The following NDUFAF7 variants were observed in gnomAD, a reference collection of about 807,000 sequenced individuals.
NDUFAF7 encodes the protein NADH:ubiquinone oxidoreductase complex assembly factor 7.
NDUFAF7 carries 48 observed loss-of-function variants against 47.2 expected under a neutral mutation model. That is an observed-to-expected ratio of 1.02 (90% CI 0.81 to 1.29). The LOEUF is 1.29. Among genes scored for constraint, NDUFAF7 ranks in the 50% most tolerant of loss-of-function variants. The pLI, the probability that NDUFAF7 is intolerant of heterozygous loss-of-function variation, is 0.00. For synonymous variants in NDUFAF7, 217 were observed against 190.0 expected, an observed-to-expected ratio of 1.14 and a Z score of -1.17; for missense variants, 635 against 537.6, an observed-to-expected ratio of 1.18 and a Z score of -1.79.
rs570665983 is a variant in NDUFAF7, at chr2:37,237,783, A to G, written c.324A>G (p.Glu108=). ...TACTAGGTATATGGTTCATTAGTGAATGGATGGCCACTGGAAAAAGCACAG... is the reference window on the plus strand; with the variant it reads ...TACTAGGTATATGGTTCATTAGTGAGTGGATGGCCACTGGAAAAAGCACAG... ...GELLGIWFIS[E]WMATGKSTAF... Residue 108 remains glutamate (E), a synonymous_variant, in exon 4 of 10, where the codon GAA becomes GAG. Transcript: ENST00000002125. 341 of 1,613,196 alleles carry G rather than the reference A, an allele frequency of 2.1e-4. 3 individuals are homozygous for G. The South Asian group carries it at 3.1e-3, about 15-fold the overall frequency.
At chr2:37,262,148 T>C in the NDUFAF7 span, among the ~76,000 whole-genome samples, 1 of 152,178 alleles carries the variant, frequency 6.6e-6, no homozygotes, top group African/African-American at 2.4e-5. Context: ...CCTGTACATT[T>C]TTCTTTAGCT....
At chr2:37,262,134 G>C in the NDUFAF7 span, among the ~76,000 whole-genome samples, 7 of 152,140 alleles carry the variant, frequency 4.6e-5, no homozygotes, top group Admixed American at 6.6e-5. Flanking sequence ...AAAATGAGGA[G>C]CATCCTGTAC....
In NDUFAF7 at chr2:37,232,159, GA is replaced by G. The variant is rs780672181; in HGVS notation, c.113del (p.Asn38ThrfsTer3). On this transcript the variant is annotated frameshift_variant, in exon 2 of 10. Transcript: ENST00000002125. LOFTEE classifies it high-confidence loss of function. ...CTTCAGCTCCGGGAATGAGCCTGCA[GA>G]AAACCCGGTGACGCCGATGCTGCGG... ...KYFSSGNEPA[E>X]NPVTPMLRHL... 1.2e-6 allele frequency: 2 copies of G among 1,614,242 alleles called. No homozygotes were observed. The highest frequency in any genetic ancestry group is 1.7e-4 in the Middle Eastern group (1 of 6,046).
the NDUFAF7 span, among the ~76,000 whole-genome samples, chr2:37,258,968 T>A: frequency 6.6e-6 from 1 of 152,042 alleles, no homozygotes; most frequent in Non-Finnish European, 1.5e-5. Flanking sequence ...ACCACTTATT[T>A]CTCAGGATGG....
the NDUFAF7 span, among the ~76,000 whole-genome samples, chr2:37,260,915 A>G: frequency 6.6e-6 from 1 of 152,214 alleles, no homozygotes; most frequent in Non-Finnish European, 1.5e-5. Context: ...CAACTAGGTT[A>G]CAAGGGTTGG....
chr2:37,256,659 TACCTTC>T, downstream of NDUFAF7: 2 of 1,169,786 alleles, frequency 1.7e-6, no homozygotes, highest in Non-Finnish European at 2.3e-6. Flanking sequence ...TTTTTTTTTT[TACCTTC>T]ACCAGAAATT....
intron 7 of NDUFAF7, among the ~76,000 whole-genome samples, chr2:37,245,545 G>A (rs1423610908): frequency 6.6e-6 from 1 of 152,102 alleles, no homozygotes; most frequent in Non-Finnish European, 1.5e-5. Flanking sequence ...GCATATCATT[G>A]GGATACTTTC....
At chr2:37,257,415 C>T (rs1668041055), downstream of NDUFAF7, among the ~76,000 whole-genome samples, 1 of 152,010 alleles carries the variant, frequency 6.6e-6, no homozygotes, top group South Asian at 2.1e-4. Context: ...CCTGTAATCC[C>T]AGCACTTTGG....
downstream of NDUFAF7, among the ~76,000 whole-genome samples, chr2:37,255,303 CT>C (rs1667844604): frequency 9.7e-6 from 1 of 103,176 alleles, no homozygotes; most frequent in Non-Finnish European, 2.0e-5. Context: ...AGGCCTAGTA[CT>C]TTTGGAAAAA....
At chr2:37,257,068 A>T, downstream of NDUFAF7, 1 of 977,554 alleles carries the variant, frequency 1.0e-6, no homozygotes, top group Non-Finnish European at 1.5e-6. Flanking sequence ...CAGATAAGGA[A>T]ATTGTAAAAT....
At position 37,248,002 on chromosome 2, in the gene NDUFAF7, TTCTC is replaced by T. The variant is rs1390423210; in HGVS notation, c.1111-132_1111-129del. 77 of 780,694 alleles carry T rather than the reference TTCTC, an allele frequency of 9.9e-5. No individual in the cohort carries two copies. The Middle Eastern group carries it at 2.5e-3, about 25-fold the overall frequency. 48.4% of individuals were successfully genotyped at this position (780,694 alleles called of 1,614,324 possible). ...TACATTTTTAATAAGTACTCTATGATTCTCAGGCAGGTAATCAGAAGTCACATTT... is the reference window on the plus strand; with the variant it reads ...TACATTTTTAATAAGTACTCTATGATAGGCAGGTAATCAGAAGTCACATTT... On this transcript the variant is annotated intron_variant, in intron 9 of 9. Coordinates refer to ENST00000002125, the MANE Select transcript of NDUFAF7 (RefSeq NM_144736.5).
In NDUFAF7 at chr2:37,232,134, C is replaced by A. The variant is rs529999742; in HGVS notation, c.84C>A (p.Tyr28Ter). The A allele has an allele frequency of 7.4e-6, 12 of 1,614,228 alleles. No homozygotes were observed. In the South Asian group the frequency reaches 1.2e-4, roughly 16 times the overall value. ...AAIPFIWRGK[Y>*]FSSGNEPAEN... is the part of the protein sequence containing the mutation. Reference sequence around the variant, plus strand: ...TTCCTTTTATTTGGAGAGGGAAATACTTCAGCTCCGGGAATGAGCCTGCAG... The same window carrying A: ...TTCCTTTTATTTGGAGAGGGAAATAATTCAGCTCCGGGAATGAGCCTGCAG... The change falls in exon 2 of 10, where the codon TAC becomes TAA. Residue 28 changes from tyrosine to a stop codon, truncating the protein, a stop_gained. Transcript: ENST00000002125. LOFTEE classifies it high-confidence loss of function.
Position 37,231,732 on chromosome 2 carries a change from G to C in NDUFAF7, c.27G>C (p.Leu9Phe), listed in dbSNP as rs745918568. Residue 9 changes from leucine (L) to phenylalanine (F), a missense_variant, in exon 1 of 10, where the codon TTG (leucine) becomes TTC (phenylalanine). Leu to Phe is a conservative substitution (Grantham distance 22, BLOSUM62 0). Transcript: ENST00000002125. Reference protein sequence around the residue: MSVLLRSGLGPLCAVARAA... With the variant: MSVLLRSGFGPLCAVARAA... ...TGAGTGTACTGCTGAGGTCAGGTTT[G>C]GGGCCGTTGTGTGCCGTGGCGCGCG... 1 of 1,614,090 alleles carries C rather than the reference G, an allele frequency of 6.2e-7. No homozygotes were observed. Among genetic ancestry groups the C allele is most frequent in the Non-Finnish European group, 8.5e-7 (1 of 1,180,024 alleles).
At position 37,241,694 on chromosome 2, in the gene NDUFAF7, G is replaced by A. The variant is rs17409514; in HGVS notation, c.525G>A (p.Pro175=). 0.015 allele frequency: 24,293 copies of A among 1,613,898 alleles called. 254 individuals carry two copies. The highest frequency in any genetic ancestry group is 0.078 in the Middle Eastern group (471 of 6,062). ...QALTLTKEKV[P]LERNAGSPVY... ...TGACACTGACTAAAGAGAAGGTCCC[G>A]TTAGAGCGAAATGCTGGATCCCCAG... The change falls in exon 5 of 10, where the codon CCG becomes CCA. Residue 175 remains proline (P), a synonymous_variant. Coordinates refer to ENST00000002125, the MANE Select transcript of NDUFAF7 (RefSeq NM_144736.5).
chr2:37,252,656 GGTTT>G (rs1163044103), downstream of NDUFAF7: 1 of 151,850 alleles, frequency 6.6e-6, no homozygotes, highest in Non-Finnish European at 1.5e-5. Context: ...ATGCCTCTAT[GGTTT>G]GTTAAACCAA....
chr2:37,260,830 CTTATAATA>C, the NDUFAF7 span, among the ~76,000 whole-genome samples: 1 of 152,088 alleles, frequency 6.6e-6, no homozygotes, highest in African/African-American at 2.4e-5. Flanking sequence ...AGTCTTGATT[CTTATAATA>C]TTATAATCAT....
intron 3 of NDUFAF7, 145 bp downstream of exon 3, chr2:37,236,321 TAGAG>T (rs1318040641): frequency 1.4e-5 from 10 of 733,866 alleles, no homozygotes. Context: ...ACTGAGGGAA[TAGAG>T]AGGCAGTAGA....
downstream of NDUFAF7, chr2:37,253,467 C>T (rs1394432352): frequency 1.9e-5 from 15 of 788,336 alleles, no homozygotes; most frequent in Non-Finnish European, 2.9e-5. Context: ...AATTGACAGG[C>T]GCTACTCATA....
At chr2:37,252,832 A>ATATTT (rs1667601880), downstream of NDUFAF7, 1 of 115,090 alleles carries the variant, frequency 8.7e-6, no homozygotes, top group Non-Finnish European at 1.8e-5. Flanking sequence ...AAAACAAACA[A>ATATTT]ACATATATTT....
Sources: allele counts gnomAD v4.1 joint callset (sites outside exome capture counted in the v4.1 genomes callset), GRCh38; gene constraint gnomAD v4.1.1; transcripts MANE v1.5; gene names NCBI Gene and HGNC (gene_info 2026-07-23, HGNC 2026-07-21).